EPHA6: variants seen among roughly 807,000 people sequenced by gnomAD.
EPHA6 encodes ephrin type-A receptor 6.
In EPHA6, 50 loss-of-function variants were observed where a neutral mutation model predicts 112.0. The observed-to-expected ratio is 0.45, with a 90% confidence interval of 0.36 to 0.56. EPHA6 has a LOEUF of 0.56. Among genes scored for constraint, EPHA6 ranks in the 20% least tolerant of loss-of-function variants. EPHA6 has a pLI of 0.00. For missense variants in EPHA6, 1,280 were observed against 1,417.4 expected, an observed-to-expected ratio of 0.90 and a Z score of 1.56; for synonymous variants, 529 against 490.7, an observed-to-expected ratio of 1.08 and a Z score of -1.03.
chr3:97,678,531 G>A (rs1301281143), intron 14 of EPHA6, among the ~76,000 whole-genome samples: 1 of 152,146 alleles, frequency 6.6e-6, no homozygotes, highest in Non-Finnish European at 1.5e-5. Flanking sequence ...AGGCAAGGCT[G>A]TGAATATTAA....
At chr3:97,359,204 G>T in intron 5 of EPHA6, among the ~76,000 whole-genome samples, 1 of 151,502 alleles carries the variant, frequency 6.6e-6, no homozygotes, top group Non-Finnish European at 1.5e-5. Flanking sequence ...CTGCTTCATG[G>T]TGTCACAGTT....
At chr3:97,541,245 G>A (rs1045209545) in intron 11 of EPHA6, among the ~76,000 whole-genome samples, 7 of 152,176 alleles carry the variant, frequency 4.6e-5, no homozygotes, top group South Asian at 2.1e-4. Flanking sequence ...ATATGTTACC[G>A]TGCCATTTTT....
At chr3:97,640,641 G>A (rs918081645) in intron 14 of EPHA6, among the ~76,000 whole-genome samples, 14 of 152,126 alleles carry the variant, frequency 9.2e-5, no homozygotes, top group Middle Eastern at 3.4e-3. Context: ...TTAGCCAGGC[G>A]TGGTGGCGCA....
chr3:97,518,785 G>T (rs2092489596), intron 10 of EPHA6, among the ~76,000 whole-genome samples: 1 of 151,844 alleles, frequency 6.6e-6, no homozygotes, highest in Admixed American at 6.6e-5. Context: ...TGTCTTCTTT[G>T]CAAAATGTAT....
chr3:97,271,691 A>G (rs755272015), intron 5 of EPHA6, among the ~76,000 whole-genome samples: 1 of 152,194 alleles, frequency 6.6e-6, no homozygotes, highest in Non-Finnish European at 1.5e-5. Flanking sequence ...TATACGTTGG[A>G]GTTTGTCTTA....
At chr3:97,614,620 G>T (rs1283109094) in intron 13 of EPHA6, among the ~76,000 whole-genome samples, 1 of 150,944 alleles carries the variant, frequency 6.6e-6, no homozygotes, top group Non-Finnish European at 1.5e-5. Flanking sequence ...CCAAAGTGCT[G>T]GGATTACAGG....
intron 11 of EPHA6, among the ~76,000 whole-genome samples, chr3:97,566,484 G>C (rs900904558): frequency 3.9e-5 from 6 of 152,188 alleles, no homozygotes; most frequent in African/African-American, 1.4e-4. Context: ...GCTAATGCTA[G>C]GATTGTATGA....
At chr3:97,037,788 T>C (rs1426284807) in intron 3 of EPHA6, among the ~76,000 whole-genome samples, 2 of 152,016 alleles carry the variant, frequency 1.3e-5, no homozygotes, top group African/African-American at 2.4e-5. Flanking sequence ...ATGTCTAAGC[T>C]AATATTTGCA....
intron 5 of EPHA6, among the ~76,000 whole-genome samples, chr3:97,271,194 T>C (rs1002218894): frequency 3.3e-5 from 5 of 152,224 alleles, no homozygotes; most frequent in African/African-American, 1.2e-4. Flanking sequence ...TATGCAAACT[T>C]ACTTATAATT....
At chr3:97,075,377 G>T (rs550880200) in intron 3 of EPHA6, among the ~76,000 whole-genome samples, 2 of 151,996 alleles carry the variant, frequency 1.3e-5, no homozygotes, top group African/African-American at 4.8e-5. Flanking sequence ...TTTGACTTTT[G>T]TCAAATTTTT....
At chr3:97,415,160 A>T (rs1443522263) in intron 6 of EPHA6, among the ~76,000 whole-genome samples, 3 of 152,066 alleles carry the variant, frequency 2.0e-5, no homozygotes, top group Non-Finnish European at 2.9e-5. Flanking sequence ...CTGAAAAATT[A>T]CAGAAAAAAA....
intron 10 of EPHA6, among the ~76,000 whole-genome samples, chr3:97,525,490 T>C (rs990835541): frequency 6.6e-6 from 1 of 152,176 alleles, no homozygotes; most frequent in African/African-American, 2.4e-5. Flanking sequence ...AATTTGTACA[T>C]CTCTTTTTTG....
At chr3:97,526,349 G>A (rs1012426967) in intron 10 of EPHA6, among the ~76,000 whole-genome samples, 5 of 152,214 alleles carry the variant, frequency 3.3e-5, no homozygotes, top group African/African-American at 1.2e-4. Flanking sequence ...GAAACAGACA[G>A]GCATGTCTCC....
intron 2 of EPHA6, among the ~76,000 whole-genome samples, chr3:96,952,683 G>T (rs996501344): frequency 2.6e-5 from 4 of 152,096 alleles, no homozygotes; most frequent in Admixed American, 1.3e-4. Context: ...TTTGACCTTT[G>T]CCAGATGCAT....
At chr3:97,572,277 A>G (rs918203688) in intron 11 of EPHA6, among the ~76,000 whole-genome samples, 6 of 151,586 alleles carry the variant, frequency 4.0e-5, no homozygotes, top group Non-Finnish European at 7.4e-5. Flanking sequence ...CAGCCTCCCA[A>G]GTAGCTAGGA....
At position 97,036,023 on chromosome 3, in the gene EPHA6, T is replaced by G. The variant is rs533726709; in HGVS notation, c.1114+48030T>G. ...GAATGCTTCCTTGTCCCATCTGCCT[T>G]GTGAGGATACAAGAAGGTAGCCATT... On this transcript the variant is annotated intron_variant, in intron 3 of 17. Coordinates refer to ENST00000389672, the MANE Select transcript of EPHA6 (RefSeq NM_001080448.3). Among the ~76,000 whole-genome samples the G allele has an allele frequency of 1.6e-4, 25 of 152,074 alleles. No homozygotes were observed. In the South Asian group the frequency reaches 4.6e-3, roughly 28 times the overall value.
intron 11 of EPHA6, among the ~76,000 whole-genome samples, chr3:97,546,325 G>T (rs2092947825): frequency 6.6e-6 from 1 of 152,124 alleles, no homozygotes; most frequent in Non-Finnish European, 1.5e-5. Context: ...CACTTATGAA[G>T]CTTAGTTTGG....
chr3:97,683,683 T>C (rs1014752031), intron 14 of EPHA6, among the ~76,000 whole-genome samples: 2 of 152,058 alleles, frequency 1.3e-5, no homozygotes, highest in African/African-American at 4.8e-5. Flanking sequence ...GGCTTGAGGG[T>C]TGATAAATTC....
chr3:97,646,133 C>T, intron 14 of EPHA6: 1 of 1,527,378 alleles, frequency 6.5e-7, no homozygotes, highest in Non-Finnish European at 8.7e-7. Flanking sequence ...CCACAAATCA[C>T]AACAAAGAGC....
Sources: gnomAD v4.1 joint callset for allele counts (sites outside exome capture counted in the v4.1 genomes callset) on GRCh38, gnomAD v4.1.1 for gene constraint, MANE v1.5 for transcripts, NCBI Gene and HGNC (gene_info 2026-07-23, HGNC 2026-07-21) for gene names.